The following CACNA2D1 variants were observed in gnomAD, a reference collection of about 807,000 sequenced individuals.
The protein encoded by CACNA2D1 is voltage-dependent calcium channel subunit alpha-2/delta-1.
In CACNA2D1, 53 loss-of-function variants were observed where a neutral mutation model predicts 171.5. That is an observed-to-expected ratio of 0.31 (90% confidence interval 0.25 to 0.39). CACNA2D1 has a LOEUF of 0.39. Ranked by LOEUF, CACNA2D1 falls within the 10% of genes least tolerant of loss-of-function variation. The pLI is 1.00. For synonymous variants in CACNA2D1, 442 were observed against 443.1 expected, an observed-to-expected ratio of 1.00 and a Z score of 0.03; for missense variants, 903 against 1,299.8, an observed-to-expected ratio of 0.69 and a Z score of 4.69.
At chr7:82,217,539 GA>G (rs1335781198) in intron 3 of CACNA2D1, among the ~76,000 whole-genome samples, 2 of 148,026 alleles carry the variant, frequency 1.4e-5, no homozygotes, top group African/African-American at 2.5e-5. Flanking sequence ...AAGAGAAATA[GA>G]AAATGTCAAG....
chr7:82,168,743 TG>T (rs1795721983), intron 4 of CACNA2D1, among the ~76,000 whole-genome samples: 1 of 152,088 alleles, frequency 6.6e-6, no homozygotes, highest in Non-Finnish European at 1.5e-5. Flanking sequence ...CAACCCTACT[TG>T]CCAAGTTATT....
At chr7:82,329,673 A>C (rs1817064061) in intron 3 of CACNA2D1, among the ~76,000 whole-genome samples, 1 of 152,140 alleles carries the variant, frequency 6.6e-6, no homozygotes, top group Admixed American at 6.5e-5. Context: ...TTTGCTTCAA[A>C]ACATTGTTTG....
intron 3 of CACNA2D1, among the ~76,000 whole-genome samples, chr7:82,319,345 C>T (rs895728644): frequency 2.6e-5 from 4 of 152,002 alleles, no homozygotes; most frequent in African/African-American, 9.7e-5. Flanking sequence ...TTAACAAAGA[C>T]ATCAAAAATT....
At chr7:82,013,685 C>T (rs1800072223) in intron 13 of CACNA2D1, among the ~76,000 whole-genome samples, 175 bp from the exon 14 acceptor site, 1 of 151,720 alleles carries the variant, frequency 6.6e-6, no homozygotes, top group African/African-American at 2.4e-5. Flanking sequence ...ATCTTCACAA[C>T]AAACACACAG....
chr7:82,014,260 A>G (rs2130947807), intron 13 of CACNA2D1, 141 bp downstream of exon 13: 1 of 623,300 alleles, frequency 1.6e-6, no homozygotes, highest in South Asian at 1.9e-5. Flanking sequence ...TTTTCTCTAT[A>G]AAAACATGTT....
At chr7:82,154,201 T>C (rs927513082) in intron 4 of CACNA2D1, among the ~76,000 whole-genome samples, 17 of 152,200 alleles carry the variant, frequency 1.1e-4, no homozygotes, top group Non-Finnish European at 2.9e-5. Flanking sequence ...CTGCCCCATA[T>C]ATCTGCATAT....
At chr7:82,317,869 A>T (rs1563358193) in intron 3 of CACNA2D1, among the ~76,000 whole-genome samples, 2 of 151,910 alleles carry the variant, frequency 1.3e-5, no homozygotes, top group Non-Finnish European at 2.9e-5. Context: ...GAATACATTA[A>T]ACATCTGTAA....
intron 3 of CACNA2D1, among the ~76,000 whole-genome samples, chr7:82,265,102 A>G (rs150209456): frequency 9.6e-4 from 146 of 152,338 alleles, no homozygotes; most frequent in African/African-American, 3.1e-3. Flanking sequence ...GGCTGGCTGA[A>G]TAGATTTAGG....
intron 3 of CACNA2D1, among the ~76,000 whole-genome samples, chr7:82,277,745 C>CTTTT (rs1186719410): frequency 0.17 from 23,726 of 140,670 alleles, 2,782 homozygotes; most frequent in Non-Finnish European, 0.23. Context: ...TAATTTTTTA[C>CTTTT]TTTTATTTTT....
At chr7:82,371,735 C>T (rs193299665) in intron 1 of CACNA2D1, among the ~76,000 whole-genome samples, 26 of 152,160 alleles carry the variant, frequency 1.7e-4, no homozygotes, top group Admixed American at 1.4e-3. Flanking sequence ...CCACCATCCC[C>T]GGCTATTTTT....
At chr7:82,335,012 A>ACAGTTACTAAG in intron 3 of CACNA2D1, 123 bp downstream of exon 3, 2 of 712,978 alleles carry the variant, frequency 2.8e-6, no homozygotes, top group Admixed American at 4.1e-5. Context: ...TTTTATGAAC[A>ACAGTTACTAAG]TATCAGATGA....
rs571361212 is a variant in CACNA2D1, at chr7:82,387,339, C to T, written c.96-37690G>A. Among the ~76,000 whole-genome samples, 7 of 151,308 alleles carry T rather than the reference C, an allele frequency of 4.6e-5. No homozygotes were observed. The South Asian group carries it at 1.5e-3, about 31-fold the overall frequency. The stretch of plus-strand genomic sequence containing the variant: ...TTCTTAGTTGTTATTCCAATTCCTC[C>T]CCCTTTAAAAAAAGAAAGGCATTTT... On this transcript the variant is annotated intron_variant, in intron 1 of 38. Transcript: ENST00000356860.
chr7:82,095,594 T>A (rs1811758036), intron 6 of CACNA2D1, among the ~76,000 whole-genome samples: 1 of 152,226 alleles, frequency 6.6e-6, no homozygotes, highest in African/African-American at 2.4e-5. Context: ...TAAAATATGC[T>A]ATACTTAACG....
chr7:82,421,596 ACAT>A (rs1828720963), intron 1 of CACNA2D1, among the ~76,000 whole-genome samples: 1 of 151,966 alleles, frequency 6.6e-6, no homozygotes, highest in East Asian at 1.9e-4. Context: ...AAAAGAATAA[ACAT>A]CATGGGAGAA....
intron 38 of CACNA2D1, among the ~76,000 whole-genome samples, chr7:81,956,004 T>G (rs1206738859): frequency 2.2e-4 from 25 of 112,924 alleles, no homozygotes; most frequent in African/African-American, 8.1e-4. Context: ...TTTTTTTTTT[T>G]GGAAATGGAG....
chr7:82,313,698 A>C (rs1333244345), intron 3 of CACNA2D1, among the ~76,000 whole-genome samples: 1 of 152,208 alleles, frequency 6.6e-6, no homozygotes, highest in Non-Finnish European at 1.5e-5. Flanking sequence ...GCATGTTAAT[A>C]AAATGTGTAT....
intron 5 of CACNA2D1, among the ~76,000 whole-genome samples, chr7:82,118,633 T>C (rs1360563977): frequency 6.6e-6 from 1 of 152,090 alleles, no homozygotes; most frequent in Non-Finnish European, 1.5e-5. Context: ...ATAAAGCTTG[T>C]CTTACATAAA....
intron 1 of CACNA2D1, among the ~76,000 whole-genome samples, chr7:82,440,143 T>C (rs1044428183): frequency 1.3e-5 from 2 of 152,002 alleles, no homozygotes; most frequent in African/African-American, 4.8e-5. Flanking sequence ...CTTAGTTTTA[T>C]ATTTATACCA....
At chr7:81,991,090 T>G in intron 21 of CACNA2D1, 95 bp downstream of exon 21, 1 of 723,730 alleles carries the variant, frequency 1.4e-6, no homozygotes. Context: ...TTGGGAACTT[T>G]TCTAGTGAAA....
Sources: gnomAD v4.1 joint callset for allele counts (sites outside exome capture counted in the v4.1 genomes callset) on GRCh38, gnomAD v4.1.1 for gene constraint, MANE v1.5 for transcripts, NCBI Gene and HGNC (gene_info 2026-07-23, HGNC 2026-07-21) for gene names.